WIZ: variants seen among roughly 807,000 people sequenced by gnomAD.
WIZ encodes the protein protein Wiz.
Under a neutral mutation model 140.2 loss-of-function variants are expected in WIZ, and 25 were observed. The observed-to-expected ratio is 0.18, with a 90% confidence interval of 0.13 to 0.25. The LOEUF (loss-of-function observed/expected upper bound fraction) is 0.25. Among genes scored for constraint, WIZ ranks in the 10% least tolerant of loss-of-function variants. The pLI is 1.00. For synonymous variants in WIZ, 1,125 were observed against 1,154.3 expected (o/e 0.97, Z 0.51); for missense variants, 2,231 against 2,632.6 (o/e 0.85, Z 3.34).
Position 15,421,519 on chromosome 19 carries a change from G to C in WIZ, c.*1557C>G, listed in dbSNP as rs1968366972. The C allele has an allele frequency of 6.6e-6, 1 of 152,238 alleles. No homozygotes were observed. 9.4% of individuals were successfully genotyped at this position (152,238 alleles called of 1,614,324 possible). ...CTGAAAAACCACATGCAATAAACAA[G>C]AAGGAGCAGCCAACAAAATCTCTTA... On this transcript the variant is annotated 3_prime_UTR_variant, in exon 13 of 13. Coordinates refer to ENST00000673675, the MANE Select transcript of WIZ (RefSeq NM_001371589.1).
Position 15,429,915 on chromosome 19 carries a change from T to C in WIZ, c.3086A>G (p.His1029Arg). ...AGCCAGGCCTGGGGGCAGCCCAAGG[T>C]GGGCGTCAGGCAGACCCTTCTGCTT... is the stretch of plus-strand genomic sequence containing the variant. Reference protein sequence around the residue: ...LVKQKGLPDAHLGLPPGLAKK... With the variant: ...LVKQKGLPDARLGLPPGLAKK... The change falls in exon 7 of 13, where the codon CAC becomes CGC. Residue 1029 changes from histidine (H) to arginine (R), a missense_variant. His to Arg is a conservative substitution (Grantham distance 29). This residue lies in a region of WIZ where 163 missense variants were observed against 166.8 expected (regional missense o/e 0.98). Transcript: ENST00000673675. 6.5e-7 allele frequency: 1 copy of C among 1,535,880 alleles called. No individual in the cohort carries two copies. The highest frequency in any genetic ancestry group is 2.4e-5 in the East Asian group (1 of 40,884).
Position 15,440,294 on chromosome 19 carries a change from C to T in WIZ, c.700G>A (p.Val234Met), listed in dbSNP as rs1164686772. Residue 234 changes from valine to methionine, a missense_variant, in exon 4 of 13, where the codon GTG becomes ATG. Val to Met is a conservative substitution (Grantham distance 21, BLOSUM62 1). This residue lies in a region of WIZ where 307 missense variants were observed against 294.1 expected (regional missense o/e 1.04). Coordinates refer to ENST00000673675, the MANE Select transcript of WIZ (RefSeq NM_001371589.1). This position sits in a 1 kb window ranked among gnomAD's most constrained non-coding sequence, Gnocchi z 6.2. ...DTPKTLDMAV[V>M]GGREDLEDLE... Reference sequence around the variant, plus strand: ...TCCTCCAGATCTTCTCTGCCACCCACCACCGCCATGTCCAGCGTCTTCGGG... The same window carrying T: ...TCCTCCAGATCTTCTCTGCCACCCATCACCGCCATGTCCAGCGTCTTCGGG... 40 of 1,498,824 alleles carry T rather than the reference C, an allele frequency of 2.7e-5. No individual in the cohort carries two copies. The highest frequency in any genetic ancestry group is 1.2e-4 in the East Asian group (5 of 40,544). 92.8% of individuals were successfully genotyped at this position (1,498,824 alleles called of 1,614,324 possible). A position where few individuals can be genotyped will look rare whatever the true frequency, so the allele number is the denominator to read the frequency against.
rs1969131386 is a variant in WIZ at position 15,430,076 on chromosome 19, G to A, written c.2925C>T (p.Thr975=). Residue 975 remains threonine, a synonymous_variant, in exon 7 of 13, where the codon ACC becomes ACT. Coordinates refer to ENST00000673675, the MANE Select transcript of WIZ (RefSeq NM_001371589.1). ...AGCAGGCACCGCAGACCTCGCAGGT[G>A]GTCAGGCTCTGGGCTGAAGGGCAAC... is the stretch of plus-strand genomic sequence containing the variant. ...ELQDLKAQSL[T]TCEVCGACFE... 2.0e-6 allele frequency: 3 copies of A among 1,529,612 alleles called. No homozygotes were observed. The highest frequency in any genetic ancestry group is 2.7e-5 in the African/African-American group (2 of 72,948). The allele number at this position is 1,529,612 out of a possible 1,614,324, so 94.8% of individuals were successfully genotyped here.
chr19:15,446,825 G>A (rs996547775), intron 2 of WIZ, among the ~76,000 whole-genome samples: 5 of 152,240 alleles, frequency 3.3e-5, no homozygotes, highest in Non-Finnish European at 7.3e-5. Flanking sequence ...CTATGAGAGC[G>A]AGGATGGTGT....
chr19:15,440,775 T>G lies in WIZ; in HGVS notation c.279-60A>C. ...TGGGCTGCAGTTTTCCTTCCTAGGGTGGTGATGGGGGTCCTCCCAGGCCGT... is the reference window on the plus strand; with the variant it reads ...TGGGCTGCAGTTTTCCTTCCTAGGGGGGTGATGGGGGTCCTCCCAGGCCGT... On this transcript the variant is annotated intron_variant, in intron 3 of 12. Coordinates refer to ENST00000673675, the MANE Select transcript of WIZ (RefSeq NM_001371589.1). The surrounding 1 kb of genome is among the most constrained non-coding windows in gnomAD (Gnocchi z 6.2). 7.1e-7 allele frequency: 1 copy of G among 1,403,600 alleles called. No individual in the cohort carries two copies. The highest frequency in any genetic ancestry group is 1.5e-5 in the South Asian group (1 of 67,042). The allele number at this position is 1,403,600 out of a possible 1,614,324, so 86.9% of individuals were successfully genotyped here.
Position 15,427,486 on chromosome 19 carries a change from C to G in WIZ, c.3862G>C (p.Glu1288Gln). Residue 1288 changes from glutamate (E) to glutamine (Q), a missense_variant, in exon 9 of 13, where the codon GAG becomes CAG. By Grantham distance (29) the Glu-to-Gln change is conservative. Coordinates refer to ENST00000673675, the MANE Select transcript of WIZ (RefSeq NM_001371589.1). This position sits in a 1 kb window ranked among gnomAD's most constrained non-coding sequence, Gnocchi z 6.4. ...AGGCCCTTGCGGTTCTCGAAGAACT[C>G]ACCACAGAACTCGCAGCGGATGTCT... is the stretch of plus-strand genomic sequence containing the variant. ...ARDIRCEFCG[E>Q]FFENRKGLSS... 1 of 1,612,642 alleles carries G rather than the reference C, an allele frequency of 6.2e-7. No homozygotes were observed. Among genetic ancestry groups the G allele is most frequent in the East Asian group, 2.2e-5 (1 of 44,850 alleles).
In WIZ at chr19:15,427,013, T is replaced by C; in HGVS notation, c.4335A>G (p.Ala1445=). 2 of 1,613,902 alleles carry C rather than the reference T, an allele frequency of 1.2e-6. No individual in the cohort carries two copies. The highest frequency in any genetic ancestry group is 1.7e-6 in the Non-Finnish European group (2 of 1,179,884). Residue 1445 remains alanine, a synonymous_variant, in exon 9 of 13, where the codon GCA becomes GCG. Transcript: ENST00000673675. This position sits in a 1 kb window ranked among gnomAD's most constrained non-coding sequence, Gnocchi z 6.4. ...ELHPSEGPWG[A]PREDMTPLNL... is the part of the protein sequence containing the mutation. ...TCAGGGGTGTCATGTCTTCCCGTGG[T>C]GCCCCCCAGGGACCCTCAGATGGGT... is the stretch of plus-strand genomic sequence containing the variant.
Position 15,426,971 on chromosome 19 carries a change from G to T in WIZ, c.4366+11C>A, listed in dbSNP as rs200488273. The T allele has an allele frequency of 1.7e-5, 27 of 1,598,584 alleles. No individual in the cohort carries two copies. The highest frequency in any genetic ancestry group is 2.2e-5 in the Non-Finnish European group (26 of 1,170,394). ...ACTGTTCTCCCTGCCCTACTGCAGG[G>T]TCACACTTACACAGGTTCAGGGGTG... On this transcript the variant is annotated intron_variant, in intron 9 of 12. Transcript: ENST00000673675.
In WIZ at chr19:15,439,881, C is replaced by T. The variant is rs1267083723; in HGVS notation, c.1113G>A (p.Arg371=). 1 of 1,525,504 alleles carries T rather than the reference C, an allele frequency of 6.6e-7. No individual in the cohort carries two copies. Among genetic ancestry groups the T allele is most frequent in the Admixed American group, 2.0e-5 (1 of 49,200 alleles). 94.5% of individuals were successfully genotyped at this position (1,525,504 alleles called of 1,614,324 possible). ...TCTCCCGGGAGGCCTGATGCAGCTG[C>T]CGGTGCTGCTCCAGGGCAGTGGGGT... is the stretch of plus-strand genomic sequence containing the variant. ...FADPTALEQH[R]QLHQASREKI... is the part of the protein sequence containing the mutation. Residue 371 remains arginine, a synonymous_variant, in exon 4 of 13, where the codon CGG becomes CGA. Coordinates refer to ENST00000673675, the MANE Select transcript of WIZ (RefSeq NM_001371589.1). The surrounding 1 kb of genome is among the most constrained non-coding windows in gnomAD (Gnocchi z 7.0).
intron 1 of WIZ, 86 bp from the exon 2 acceptor site, chr19:15,448,453 A>G: frequency 9.7e-7 from 1 of 1,030,282 alleles, no homozygotes; most frequent in Admixed American, 2.6e-5. Flanking sequence ...TCAGTCCTCA[A>G]CTTTGCAGCT....
Position 15,428,617 on chromosome 19 carries a change from G to C in WIZ, c.3416-109C>G. Reference sequence around the variant, plus strand: ...TTTTGGCTGCTCAGGCAGTTGGGGGGTCCAAGACTCAGGCCGCAGATTTCT... The same window carrying C: ...TTTTGGCTGCTCAGGCAGTTGGGGGCTCCAAGACTCAGGCCGCAGATTTCT... On this transcript the variant is annotated intron_variant, in intron 7 of 12. Coordinates refer to ENST00000673675, the MANE Select transcript of WIZ (RefSeq NM_001371589.1). The surrounding 1 kb of genome is among the most constrained non-coding windows in gnomAD (Gnocchi z 6.4). The C allele has an allele frequency of 1.5e-6, 2 of 1,320,088 alleles. No homozygotes were observed. The highest frequency in any genetic ancestry group is 2.1e-6 in the Non-Finnish European group (2 of 966,832). 81.8% of individuals were successfully genotyped at this position (1,320,088 alleles called of 1,614,324 possible). A position where few individuals can be genotyped will look rare whatever the true frequency, so the allele number is the denominator to read the frequency against.
intron 5 of WIZ, among the ~76,000 whole-genome samples, chr19:15,434,424 G>A (rs778446204): frequency 1.3e-5 from 2 of 150,912 alleles, no homozygotes; most frequent in South Asian, 2.1e-4. Context: ...TTAGCCGGGC[G>A]TGGTGGCAGG....
At chr19:15,449,541 G>C (rs1238057609) in intron 1 of WIZ, 1 of 152,250 alleles carries the variant, frequency 6.6e-6, no homozygotes, top group Non-Finnish European at 1.5e-5. Flanking sequence ...CAGGGTCCGG[G>C]GGATGAGCCC....
At chr19:15,429,502 C>G in intron 7 of WIZ, 84 bp downstream of exon 7, 702 of 427,978 alleles carry the variant, frequency 1.6e-3, no homozygotes, top group Non-Finnish European at 2.4e-3. Flanking sequence ...CCACCCTGGG[C>G]CCTGTCCCTG....
chr19:15,432,513 C>CGGT (rs924028663), intron 5 of WIZ: 4 of 434,970 alleles, frequency 9.2e-6, no homozygotes, highest in African/African-American at 2.7e-5. Flanking sequence ...GTGGCGGTGG[C>CGGT]GGTGGTGGTG....
At position 15,424,678 on chromosome 19, in the gene WIZ, C is replaced by T. The variant is rs763412121; in HGVS notation, c.5249G>A (p.Arg1750Gln). 19 of 1,588,894 alleles carry T rather than the reference C, an allele frequency of 1.2e-5. No individual in the cohort carries two copies. Among genetic ancestry groups the T allele is most frequent in the African/African-American group, 4.0e-5 (3 of 74,414 alleles). ...GCCTGGCGGGCTGGCTGCCAGAGGC[C>T]GCTCACCACCGTCGGCTGCCCGGCC... is the stretch of plus-strand genomic sequence containing the variant. ...EAGRAADGGE[R>Q]PLAASPPGTV... Residue 1750 changes from arginine (R) to glutamine (Q), a missense_variant, in exon 11 of 13, where the codon CGG (arginine) becomes CAG (glutamine). Arg to Gln is a conservative substitution (Grantham distance 43, BLOSUM62 1). Coordinates refer to ENST00000673675, the MANE Select transcript of WIZ (RefSeq NM_001371589.1). The surrounding 1 kb of genome is among the most constrained non-coding windows in gnomAD (Gnocchi z 9.7).
In WIZ at chr19:15,423,177, A is replaced by C. The variant is rs1424095076; in HGVS notation, c.5569T>G (p.Leu1857Val). The change falls in exon 13 of 13, where the codon TTA (leucine) becomes GTA (valine). Residue 1857 changes from leucine to valine, a missense_variant. By Grantham distance (32) the Leu-to-Val change is conservative (BLOSUM62 1). Coordinates refer to ENST00000673675, the MANE Select transcript of WIZ (RefSeq NM_001371589.1). Reference sequence around the variant, plus strand: ...TTCATCTCCAGGATGTGCCGCTGTAAGTGCCGCACCCACTCTTCCTGGATG... The same window carrying C: ...TTCATCTCCAGGATGTGCCGCTGTACGTGCCGCACCCACTCTTCCTGGATG... ...LSIQEEWVRH[L>V]QRHILEMNFS... 5 of 1,613,636 alleles carry C rather than the reference A, an allele frequency of 3.1e-6. No individual in the cohort carries two copies. In the Admixed American group the frequency reaches 8.3e-5, roughly 27 times the overall value.
rs1969545963 is a variant in WIZ, at chr19:15,437,099, A to C, written c.2447T>G (p.Leu816Arg). 2 of 1,609,438 alleles carry C rather than the reference A, an allele frequency of 1.2e-6. No homozygotes were observed. The highest frequency in any genetic ancestry group is 1.7e-6 in the Non-Finnish European group (2 of 1,178,056). The change falls in exon 5 of 13, where the codon CTG becomes CGG. Residue 816 changes from leucine (L) to arginine (R), a missense_variant. Coordinates refer to ENST00000673675, the MANE Select transcript of WIZ (RefSeq NM_001371589.1). ...VANFDPGTFSLMRCDFCGAGF... is the reference protein window; with the variant it reads ...VANFDPGTFSRMRCDFCGAGF... ...AGCCCCGCAGAAGTCACAGCGCATC[A>C]GGCTGAAGGTGCCTGGGTCAAAGTT...
intron 4 of WIZ, among the ~76,000 whole-genome samples, chr19:15,438,093 G>A (rs1203000502): frequency 9.2e-5 from 14 of 152,166 alleles, no homozygotes; most frequent in Admixed American, 6.5e-5. Context: ...CACCCAGGGT[G>A]CTCCTGTTGG....
Sources: allele counts gnomAD v4.1 joint callset (sites outside exome capture counted in the v4.1 genomes callset), GRCh38; gene constraint gnomAD v4.1.1; regional missense constraint gnomAD v4.1.1; non-coding constraint Gnocchi (gnomAD v3.1); transcripts MANE v1.5; gene names NCBI Gene and HGNC (gene_info 2026-07-23, HGNC 2026-07-21).